Variants in YEATS4 observed in about 807,000 individuals in gnomAD.
The protein encoded by YEATS4 is YEATS domain-containing protein 4.
Under a neutral mutation model 30.1 loss-of-function variants are expected in YEATS4, and 17 were observed. The observed-to-expected ratio is 0.56, with a 90% CI of 0.39 to 0.85. YEATS4 has a LOEUF of 0.85. Among genes scored for constraint, YEATS4 ranks in the 40% least tolerant of loss-of-function variants. The pLI is 0.00. For synonymous variants in YEATS4, 85 were observed against 87.5 expected, an observed-to-expected ratio of 0.97 and a Z score of 0.16; for missense variants, 142 against 268.3, an observed-to-expected ratio of 0.53 and a Z score of 3.29.
chr12:69,366,026 T>C, intron 4 of YEATS4, 142 bp downstream of exon 4: 1 of 603,166 alleles, frequency 1.7e-6, no homozygotes, highest in Non-Finnish European at 2.6e-6. Context: ...GTTAAGTTTT[T>C]CATTTTTAAA....
At chr12:69,378,254 A>T (rs560712736) in intron 6 of YEATS4, among the ~76,000 whole-genome samples, 8 of 151,748 alleles carry the variant, frequency 5.3e-5, no homozygotes, top group Admixed American at 5.2e-4. Flanking sequence ...GTGTGTCTTT[A>T]TAGGTGAAGT....
intron 6 of YEATS4, among the ~76,000 whole-genome samples, chr12:69,379,893 A>G (rs1315871079): frequency 1.3e-5 from 2 of 152,114 alleles, no homozygotes; most frequent in African/African-American, 4.8e-5. Flanking sequence ...TGACTGATGC[A>G]TTCTTCCATA....
chr12:69,369,733 C>G (rs1380923747), intron 4 of YEATS4, among the ~76,000 whole-genome samples: 1 of 152,148 alleles, frequency 6.6e-6, no homozygotes, highest in South Asian at 2.1e-4. Flanking sequence ...AATTCATGCT[C>G]TCTTATTTTG....
At chr12:69,385,546 G>A (rs968443994) in intron 6 of YEATS4, among the ~76,000 whole-genome samples, 5 of 152,074 alleles carry the variant, frequency 3.3e-5, no homozygotes, top group African/African-American at 1.2e-4. Flanking sequence ...TTTAGAAAAG[G>A]AAACCGAGGT....
At chr12:69,392,062 A>G (rs1328712983), downstream of YEATS4, among the ~76,000 whole-genome samples, 1 of 152,134 alleles carries the variant, frequency 6.6e-6, no homozygotes, top group Non-Finnish European at 1.5e-5. Context: ...CTCAATAAAA[A>G]TTTTTTTAAT....
intron 6 of YEATS4, among the ~76,000 whole-genome samples, chr12:69,372,243 A>G (rs1228257825): frequency 6.6e-6 from 1 of 152,216 alleles, no homozygotes; most frequent in Non-Finnish European, 1.5e-5. Context: ...TACTGGGTAC[A>G]TGGGATATTT....
intron 6 of YEATS4, among the ~76,000 whole-genome samples, chr12:69,372,831 C>T (rs1460574481): frequency 6.6e-6 from 1 of 152,100 alleles, no homozygotes; most frequent in Non-Finnish European, 1.5e-5. Context: ...AGCCACCACA[C>T]CCAGCCTAGT....
At chr12:69,415,607 A>G in the YEATS4 span, among the ~76,000 whole-genome samples, 11 of 152,208 alleles carry the variant, frequency 7.2e-5, no homozygotes, top group Non-Finnish European at 1.3e-4. Flanking sequence ...ACCCAGTGAC[A>G]GTAACAATTT....
chr12:69,380,123 A>C (rs112734423), intron 6 of YEATS4, among the ~76,000 whole-genome samples: 19,218 of 152,174 alleles, frequency 0.13, 1,553 homozygotes, highest in Non-Finnish European at 0.18. Flanking sequence ...TGGTGAGGTC[A>C]TGTTTTCCTG....
rs761779786 is a variant in YEATS4, at chr12:69,379,633, G to GT, written c.514+8662dup. 4.0e-4 allele frequency among the ~76,000 whole-genome samples: 45 copies of GT among 111,974 alleles called. 1 individual carries two copies. Among genetic ancestry groups the GT allele is most frequent in the Middle Eastern group, 0.012 (2 of 170 alleles). 73.5% of individuals were successfully genotyped at this position (111,974 alleles called of 152,430 possible). The stretch of plus-strand genomic sequence containing the variant: ...TTTTTTTTTTTTTGGTGGAGATGGG[G>GT]TTTTGCCATGTTGCCCAGGCTAGTC... On this transcript the variant is annotated intron_variant, in intron 6 of 6. Transcript: ENST00000247843.
At chr12:69,420,667 C>G in the YEATS4 span, among the ~76,000 whole-genome samples, 17,566 of 152,086 alleles carry the variant, frequency 0.12, 1,213 homozygotes, top group East Asian at 0.19. Flanking sequence ...TTAGGAGAAG[C>G]CTTCATTTAG....
the YEATS4 span, among the ~76,000 whole-genome samples, chr12:69,401,454 T>C: frequency 6.6e-6 from 1 of 152,168 alleles, no homozygotes; most frequent in Non-Finnish European, 1.5e-5. Context: ...CTGTTTCCCT[T>C]TCTGCATGAG....
At chr12:69,400,988 GTAGTGC>G in the YEATS4 span, 1 of 152,252 alleles carries the variant, frequency 6.6e-6, no homozygotes, top group South Asian at 2.1e-4. Flanking sequence ...ATTCTGACCT[GTAGTGC>G]ACTATGCTGA....
chr12:69,399,213 G>GA, the YEATS4 span, among the ~76,000 whole-genome samples: 175 of 140,088 alleles, frequency 1.2e-3, no homozygotes, highest in South Asian at 0.01. Flanking sequence ...AAAAAAGTCA[G>GA]AAAAAAAAAA....
the YEATS4 span, among the ~76,000 whole-genome samples, chr12:69,398,312 CA>C: frequency 3.3e-5 from 5 of 151,788 alleles, no homozygotes; most frequent in Non-Finnish European, 7.4e-5. Flanking sequence ...AAGGAATACA[CA>C]CACACACACA....
At chr12:69,370,103 G>A (rs943544568) in intron 4 of YEATS4, among the ~76,000 whole-genome samples, 3 of 152,030 alleles carry the variant, frequency 2.0e-5, no homozygotes, top group African/African-American at 7.2e-5. Context: ...GATGTTTTCC[G>A]AACTAGATTT....
intron 6 of YEATS4, among the ~76,000 whole-genome samples, chr12:69,375,912 G>A (rs189707540): frequency 1.3e-5 from 2 of 152,248 alleles, no homozygotes; most frequent in East Asian, 3.9e-4. Flanking sequence ...GGGGGAGGGG[G>A]AGACTTCTTT....
chr12:69,420,244 C>A, the YEATS4 span, among the ~76,000 whole-genome samples: 1 of 152,046 alleles, frequency 6.6e-6, no homozygotes, highest in African/African-American at 2.4e-5. Flanking sequence ...CAAGGAAGGA[C>A]ATTTGGATGA....
the YEATS4 span, among the ~76,000 whole-genome samples, chr12:69,412,965 G>C: frequency 6.6e-6 from 1 of 152,116 alleles, no homozygotes; most frequent in African/African-American, 2.4e-5. Context: ...CATGTGCAAA[G>C]AAAGACCTAG....
Sources: gnomAD v4.1 joint callset for allele counts (sites outside exome capture counted in the v4.1 genomes callset) on GRCh38, gnomAD v4.1.1 for gene constraint, MANE v1.5 for transcripts, NCBI Gene and HGNC (gene_info 2026-07-23, HGNC 2026-07-21) for gene names.